The following KCNMA1 variants were observed in gnomAD, a reference collection of about 807,000 sequenced individuals.
The protein encoded by KCNMA1 is Calcium-activated potassium channel subunit alpha-1.
In KCNMA1, 29 loss-of-function variants were observed where a neutral mutation model predicts 140.0. That is an observed-to-expected ratio of 0.21 (90% CI 0.15 to 0.28). The LOEUF (loss-of-function observed/expected upper bound fraction) is 0.28. Among genes scored for constraint, KCNMA1 ranks in the 10% least tolerant of loss-of-function variants. The pLI, the probability that KCNMA1 is intolerant of heterozygous loss-of-function variation, is 1.00. For synonymous variants in KCNMA1, 612 were observed against 611.9 expected, an observed-to-expected ratio of 1.00 and a Z score of 0.00; for missense variants, 880 against 1,602.2, an observed-to-expected ratio of 0.55 and a Z score of 7.70.
intron 3 of KCNMA1, among the ~76,000 whole-genome samples, chr10:77,222,282 G>A (rs2049947838): frequency 6.6e-6 from 1 of 152,140 alleles, no homozygotes; most frequent in Non-Finnish European, 1.5e-5. Flanking sequence ...CACTCTTTAT[G>A]AGCATCATAT....
At chr10:76,909,230 A>G (rs2049047697) in intron 25 of KCNMA1, among the ~76,000 whole-genome samples, 1 of 152,000 alleles carries the variant, frequency 6.6e-6, no homozygotes, top group South Asian at 2.1e-4. Context: ...AAGTCCTATT[A>G]ATTGTACTGC....
intron 1 of KCNMA1, among the ~76,000 whole-genome samples, chr10:77,540,193 A>G (rs1274277514): frequency 6.6e-6 from 1 of 152,150 alleles, no homozygotes; most frequent in Non-Finnish European, 1.5e-5. Context: ...TCAGTCCCCA[A>G]AAGCTTTGGA....
intron 1 of KCNMA1, among the ~76,000 whole-genome samples, chr10:77,545,108 A>G (rs1201109836): frequency 3.9e-5 from 6 of 152,278 alleles, no homozygotes; most frequent in Admixed American, 2.6e-4. Flanking sequence ...GTACTTAACT[A>G]TATGCTATCA....
At chr10:77,114,557 A>T (rs535348043) in intron 6 of KCNMA1, among the ~76,000 whole-genome samples, 1 of 152,248 alleles carries the variant, frequency 6.6e-6, no homozygotes, top group Admixed American at 6.5e-5. Flanking sequence ...AGCTAAACCT[A>T]TTTACTATAG....
At chr10:77,417,989 C>G (rs571035360) in intron 1 of KCNMA1, among the ~76,000 whole-genome samples, 1 of 152,168 alleles carries the variant, frequency 6.6e-6, no homozygotes, top group Non-Finnish European at 1.5e-5. Context: ...TGGACTCTGC[C>G]TCTGACCTCA....
At position 76,889,384 on chromosome 10, in the gene KCNMA1, G is replaced by C. The variant is rs2038898036; in HGVS notation, c.3461+67C>G. 11 of 1,053,274 alleles carry C rather than the reference G, an allele frequency of 1.0e-5. No homozygotes were observed. In the Middle Eastern group the frequency reaches 6.2e-4, roughly 59 times the overall value. 65.2% of individuals were successfully genotyped at this position (1,053,274 alleles called of 1,614,324 possible). A position where few individuals can be genotyped will look rare whatever the true frequency, so the allele number is the denominator to read the frequency against. On this transcript the variant is annotated intron_variant, in intron 27 of 27. Coordinates refer to ENST00000286628, the MANE Select transcript of KCNMA1 (RefSeq NM_001161352.2). The stretch of plus-strand genomic sequence containing the variant: ...TATACAGACCTTTGCCTTTACAGTA[G>C]GGGACAGGAAAGGATATTAATATTT...
intron 5 of KCNMA1, among the ~76,000 whole-genome samples, chr10:77,171,212 C>G (rs1281024483): frequency 6.6e-6 from 1 of 152,140 alleles, no homozygotes; most frequent in African/African-American, 2.4e-5. Context: ...ATCTGAAACT[C>G]TGGGGATGGA....
At chr10:77,513,735 C>T (rs547180584) in intron 1 of KCNMA1, among the ~76,000 whole-genome samples, 28 of 152,322 alleles carry the variant, frequency 1.8e-4, no homozygotes, top group African/African-American at 6.5e-4. Context: ...AAGCACAAAC[C>T]ACTCCAATGA....
intron 14 of KCNMA1, among the ~76,000 whole-genome samples, chr10:77,067,495 C>A (rs1248754875): frequency 6.6e-6 from 1 of 152,220 alleles, no homozygotes; most frequent in Non-Finnish European, 1.5e-5. Context: ...CTCTCTCACG[C>A]ATGTGTGTGC....
chr10:77,234,356 T>C (rs2054665955), intron 3 of KCNMA1, among the ~76,000 whole-genome samples: 2 of 152,318 alleles, frequency 1.3e-5, no homozygotes, highest in South Asian at 2.1e-4. Context: ...TCCCAGCACA[T>C]GGCATCAACT....
At chr10:77,005,618 G>A (rs532818086) in intron 18 of KCNMA1, among the ~76,000 whole-genome samples, 2 of 152,278 alleles carry the variant, frequency 1.3e-5, no homozygotes, top group South Asian at 2.1e-4. Context: ...TATTGGACCA[G>A]GGCCATGGAT....
intron 2 of KCNMA1, among the ~76,000 whole-genome samples, chr10:77,299,435 T>C (rs2076038031): frequency 6.6e-6 from 1 of 152,192 alleles, no homozygotes; most frequent in African/African-American, 2.4e-5. Flanking sequence ...GGATTTCCCA[T>C]CTGGCCCACG....
intron 16 of KCNMA1, chr10:77,025,509 G>C (rs953568122): frequency 8.5e-6 from 12 of 1,410,876 alleles, no homozygotes; most frequent in Non-Finnish European, 1.2e-5. Context: ...ATAATAAATC[G>C]ACTGACACCA....
At chr10:77,609,037 G>C (rs746755695) in intron 1 of KCNMA1, among the ~76,000 whole-genome samples, 1 of 152,124 alleles carries the variant, frequency 6.6e-6, no homozygotes, top group Admixed American at 6.6e-5. Flanking sequence ...CAGTATGGAG[G>C]TTCCTCAGAA....
At chr10:77,402,521 C>T (rs368910840) in intron 2 of KCNMA1, among the ~76,000 whole-genome samples, 10 of 152,204 alleles carry the variant, frequency 6.6e-5, no homozygotes, top group East Asian at 1.9e-4. Context: ...GCAGATCCCT[C>T]GGTGAACAGA....
chr10:77,089,053 G>A (rs758683875), intron 10 of KCNMA1, among the ~76,000 whole-genome samples: 2 of 152,188 alleles, frequency 1.3e-5, no homozygotes, highest in African/African-American at 2.4e-5. Context: ...TAGAGGATGG[G>A]CCACACAGCA....
intron 1 of KCNMA1, among the ~76,000 whole-genome samples, chr10:77,419,912 G>C (rs1032401785): frequency 6.6e-6 from 1 of 152,152 alleles, no homozygotes; most frequent in African/African-American, 2.4e-5. Flanking sequence ...AAGAGGTCAG[G>C]GGCAATCACA....
chr10:77,352,642 G>C (rs1294904501), intron 2 of KCNMA1, among the ~76,000 whole-genome samples: 1 of 151,698 alleles, frequency 6.6e-6, no homozygotes, highest in African/African-American at 2.4e-5. Context: ...GTGTGTGTGT[G>C]TGTGTGTTTG....
intron 19 of KCNMA1, among the ~76,000 whole-genome samples, chr10:77,001,082 G>T (rs940419591): frequency 6.6e-6 from 1 of 151,624 alleles, no homozygotes; most frequent in Non-Finnish European, 1.5e-5. Context: ...GCATATCTCT[G>T]TATTAATACA....
Sources: allele counts gnomAD v4.1 joint callset (sites outside exome capture counted in the v4.1 genomes callset), GRCh38; gene constraint gnomAD v4.1.1; transcripts MANE v1.5; gene names NCBI Gene and HGNC (gene_info 2026-07-23, HGNC 2026-07-21).